The following CSMD1 variants were observed in gnomAD, a reference collection of about 807,000 sequenced individuals.
CSMD1 encodes the protein CUB and Sushi multiple domains 1.
Under a neutral mutation model 417.5 loss-of-function variants are expected in CSMD1, and 213 were observed. That is an observed-to-expected ratio of 0.51 (90% confidence interval 0.46 to 0.57). The LOEUF is 0.57. Ranked by LOEUF, CSMD1 falls within the 20% of genes least tolerant of loss-of-function variation. The pLI, the probability that CSMD1 is intolerant of heterozygous loss-of-function variation, is 0.00. For synonymous variants in CSMD1, 2,862 were observed against 1,736.8 expected, an observed-to-expected ratio of 1.65 and a Z score of -16.11; for missense variants, 6,923 against 4,529.7, an observed-to-expected ratio of 1.53 and a Z score of -15.17.
Position 3,738,976 on chromosome 8 carries a change from T to C in CSMD1, c.931+14954A>G, listed in dbSNP as rs113578754. 3.7e-3 allele frequency among the ~76,000 whole-genome samples: 560 copies of C among 152,346 alleles called. 6 individuals are homozygous for C. Among genetic ancestry groups the C allele is most frequent in the African/African-American group, 0.013 (529 of 41,592 alleles). ...TGCACAAAAAGGTGTGTTCAAACTT[T>C]AGACATGATCTATTCAGAGATATAT... is the stretch of plus-strand genomic sequence containing the variant. On this transcript the variant is annotated intron_variant, in intron 6 of 69. Coordinates refer to ENST00000635120, the MANE Select transcript of CSMD1 (RefSeq NM_033225.6).
chr8:3,555,045 G>C (rs10104614), intron 10 of CSMD1, among the ~76,000 whole-genome samples: 2 of 151,964 alleles, frequency 1.3e-5, no homozygotes, highest in Non-Finnish European at 2.9e-5. Flanking sequence ...GGAGTCCTCC[G>C]CCAGGGAAGG....
chr8:4,561,906 C>G (rs1196817096), intron 2 of CSMD1, among the ~76,000 whole-genome samples: 1 of 152,114 alleles, frequency 6.6e-6, no homozygotes, highest in Non-Finnish European at 1.5e-5. Flanking sequence ...GAATCTCAAC[C>G]AAAGCAGTTC....
At chr8:3,538,695 G>A (rs1798310662) in intron 10 of CSMD1, among the ~76,000 whole-genome samples, 1 of 152,194 alleles carries the variant, frequency 6.6e-6, no homozygotes, top group African/African-American at 2.4e-5. Flanking sequence ...GGCATGGCCT[G>A]CCATCTTTGA....
chr8:4,398,879 A>G (rs896367661), intron 3 of CSMD1, among the ~76,000 whole-genome samples: 1 of 152,198 alleles, frequency 6.6e-6, no homozygotes, highest in Non-Finnish European at 1.5e-5. Flanking sequence ...AATAACTGAC[A>G]TTCTCAATAA....
rs111877562 is a variant in CSMD1, at chr8:4,282,629, T to C, written c.415+137324A>G. Among the ~76,000 whole-genome samples, 436 of 152,354 alleles carry C rather than the reference T, an allele frequency of 2.9e-3. 1 individual carries two copies. The highest frequency in any genetic ancestry group is 9.9e-3 in the African/African-American group (410 of 41,586). On this transcript the variant is annotated intron_variant, in intron 3 of 69. Coordinates refer to ENST00000635120, the MANE Select transcript of CSMD1 (RefSeq NM_033225.6). ...AGGGAGAAAGGTAGTTAGTATATTG[T>C]ATGCATTCACCTTTTCAGTTTTATT...
chr8:4,206,113 G>T (rs56336299), intron 3 of CSMD1, among the ~76,000 whole-genome samples: 1 of 152,034 alleles, frequency 6.6e-6, no homozygotes, highest in Non-Finnish European at 1.5e-5. Context: ...ACAACGCAGG[G>T]AAAAGGATAG....
chr8:3,017,946 C>G (rs889127719), intron 52 of CSMD1, among the ~76,000 whole-genome samples: 1 of 151,410 alleles, frequency 6.6e-6, no homozygotes, highest in Non-Finnish European at 1.5e-5. Flanking sequence ...CTTTAAACTG[C>G]TTATTCAAGA....
intron 3 of CSMD1, among the ~76,000 whole-genome samples, chr8:4,093,371 T>G (rs1002480099): frequency 6.6e-6 from 1 of 152,288 alleles, no homozygotes. Flanking sequence ...AAATTTTATA[T>G]TTAACGTGAT....
intron 27 of CSMD1, among the ~76,000 whole-genome samples, chr8:3,224,463 C>G (rs906778099): frequency 1.3e-5 from 2 of 152,148 alleles, no homozygotes; most frequent in South Asian, 4.1e-4. Flanking sequence ...TTCACATTCT[C>G]CCAGTCCCCT....
At chr8:3,293,051 G>T (rs1375453758) in intron 25 of CSMD1, among the ~76,000 whole-genome samples, 3 of 152,074 alleles carry the variant, frequency 2.0e-5, no homozygotes, top group Non-Finnish European at 2.9e-5. Context: ...GCATTTGCTT[G>T]TGTGTAAAGT....
rs542248659 is a variant in CSMD1 at position 3,197,817 on chromosome 8, C to T, written c.5194+1897G>A. On this transcript the variant is annotated intron_variant, in intron 33 of 69. Coordinates refer to ENST00000635120, the MANE Select transcript of CSMD1 (RefSeq NM_033225.6). Reference sequence around the variant, plus strand: ...TACTGTCTTTCAAGAAGCAATGTTCCATTTAACTTTTCATGTGTATGCAAA... The same window carrying T: ...TACTGTCTTTCAAGAAGCAATGTTCTATTTAACTTTTCATGTGTATGCAAA... Among the ~76,000 whole-genome samples the T allele has an allele frequency of 7.9e-5, 12 of 152,208 alleles. No homozygotes were observed. In the East Asian group the frequency reaches 1.9e-3, roughly 25 times the overall value.
In CSMD1 at chr8:3,795,005, T is replaced by C. The variant is rs181365480; in HGVS notation, c.819-40963A>G. 1.2e-3 allele frequency among the ~76,000 whole-genome samples: 175 copies of C among 150,514 alleles called. 9 individuals carry two copies. Among genetic ancestry groups the C allele is most frequent in the African/African-American group, 3.9e-3 (157 of 40,524 alleles). Reference sequence around the variant, plus strand: ...TATATCTATCTATCATGTATAGCTATAAATACATATCTATCATATATAGCT... The same window carrying C: ...TATATCTATCTATCATGTATAGCTACAAATACATATCTATCATATATAGCT... On this transcript the variant is annotated intron_variant, in intron 5 of 69. Transcript: ENST00000635120.
chr8:3,494,595 GATAGATA>G (rs758319491), intron 10 of CSMD1, among the ~76,000 whole-genome samples: 1 of 148,830 alleles, frequency 6.7e-6, no homozygotes, highest in Non-Finnish European at 1.5e-5. Flanking sequence ...TAGATAGATA[GATAGATA>G]GATAGATGAC....
intron 1 of CSMD1, among the ~76,000 whole-genome samples, chr8:4,736,730 T>C (rs771133176): frequency 1.3e-5 from 2 of 152,084 alleles, no homozygotes; most frequent in Non-Finnish European, 2.9e-5. Context: ...TGGGAGAAAA[T>C]GGTATACTGC....
chr8:3,594,216 G>A (rs1443965536), intron 8 of CSMD1, among the ~76,000 whole-genome samples: 2 of 152,178 alleles, frequency 1.3e-5, no homozygotes, highest in Non-Finnish European at 2.9e-5. Context: ...CCAGACATGA[G>A]GCGAGCCCTG....
In CSMD1 at chr8:3,709,680, GTTTTTTTT is replaced by G. The variant is rs56272726; in HGVS notation, c.932-1197_932-1190del. Among the ~76,000 whole-genome samples the G allele has an allele frequency of 3.1e-3, 106 of 33,702 alleles. 4 individuals carry two copies. Among genetic ancestry groups the G allele is most frequent in the African/African-American group, 3.7e-3 (35 of 9,452 alleles). The allele number at this position is 33,702 out of a possible 152,430, so 22.1% of individuals were successfully genotyped here. On this transcript the variant is annotated intron_variant, in intron 6 of 69. Coordinates refer to ENST00000635120, the MANE Select transcript of CSMD1 (RefSeq NM_033225.6). ...GATGGGCTTTAAATTGCAGCAGCAT[GTTTTTTTT>G]TTTTTTTTTTTTTTTTTTTTTCCCT...
At chr8:3,039,284 CTTTT>C (rs747690927) in intron 50 of CSMD1, among the ~76,000 whole-genome samples, 7 of 143,728 alleles carry the variant, frequency 4.9e-5, no homozygotes, top group South Asian at 4.2e-4. Flanking sequence ...TTCCTTCCTT[CTTTT>C]CCTTACTTCC....
chr8:3,484,517 G>C (rs1329467843), intron 11 of CSMD1, among the ~76,000 whole-genome samples: 2 of 152,200 alleles, frequency 1.3e-5, no homozygotes, highest in African/African-American at 2.4e-5. Context: ...CCTCTGTAAA[G>C]TACAGCTAGG....
At chr8:4,293,131 G>C (rs761235535) in intron 3 of CSMD1, among the ~76,000 whole-genome samples, 3 of 152,142 alleles carry the variant, frequency 2.0e-5, no homozygotes, top group East Asian at 1.9e-4. Context: ...CGCCCTCTCA[G>C]TTTTGTCCCG....
Sources: gnomAD v4.1 joint callset for allele counts (sites outside exome capture counted in the v4.1 genomes callset) on GRCh38, gnomAD v4.1.1 for gene constraint, MANE v1.5 for transcripts, NCBI Gene and HGNC (gene_info 2026-07-23, HGNC 2026-07-21) for gene names.